Variants in AKAP6 observed in about 807,000 individuals in gnomAD.
The protein encoded by AKAP6 is A-kinase anchoring protein 6.
A neutral mutation model predicts 188.5 loss-of-function variants in AKAP6; 58 were observed. The observed-to-expected ratio is 0.31, with a 90% confidence interval of 0.25 to 0.38. AKAP6 has a LOEUF of 0.38. AKAP6 is among the 10% of genes least tolerant of loss of function. The pLI is 1.00. For missense variants in AKAP6, 2,710 were observed against 2,740.0 expected, an observed-to-expected ratio of 0.99 and a Z score of 0.24; for synonymous variants, 989 against 998.6, an observed-to-expected ratio of 0.99 and a Z score of 0.18.
At chr14:32,346,590 G>A (rs892977665) in intron 1 of AKAP6, among the ~76,000 whole-genome samples, 2 of 152,188 alleles carry the variant, frequency 1.3e-5, no homozygotes, top group Admixed American at 1.3e-4. Context: ...CTCACTGAAA[G>A]CTCCGCCTCC....
intron 4 of AKAP6, among the ~76,000 whole-genome samples, chr14:32,571,458 A>G (rs1022176459): frequency 4.6e-5 from 7 of 152,154 alleles, no homozygotes; most frequent in African/African-American, 1.7e-4. Context: ...TGAGCTCAGG[A>G]GTTGGAGGCT....
chr14:32,768,679 TA>T (rs2032791939), intron 11 of AKAP6, among the ~76,000 whole-genome samples: 1 of 152,204 alleles, frequency 6.6e-6, no homozygotes, highest in Admixed American at 6.5e-5. Context: ...TTTTATACTT[TA>T]AAAAGTCTAC....
At chr14:32,485,719 T>A (rs987204988) in intron 2 of AKAP6, among the ~76,000 whole-genome samples, 1 of 152,220 alleles carries the variant, frequency 6.6e-6, no homozygotes, top group African/African-American at 2.4e-5. Flanking sequence ...TATTAGCCCT[T>A]TGTCAGATGG....
chr14:32,362,957 CA>C (rs746361846), intron 1 of AKAP6, among the ~76,000 whole-genome samples: 1 of 152,018 alleles, frequency 6.6e-6, no homozygotes, highest in Non-Finnish European at 1.5e-5. Flanking sequence ...AGGTATATGT[CA>C]AGACTTTGAT....
chr14:32,740,763 G>A (rs958809463), intron 11 of AKAP6, among the ~76,000 whole-genome samples: 1 of 151,816 alleles, frequency 6.6e-6, no homozygotes, highest in Non-Finnish European at 1.5e-5. Flanking sequence ...CATGCTATTT[G>A]GTTAACTACT....
intron 1 of AKAP6, among the ~76,000 whole-genome samples, chr14:32,415,475 C>T (rs1337341673): frequency 6.6e-6 from 1 of 152,068 alleles, no homozygotes; most frequent in African/African-American, 2.4e-5. Context: ...AACAACATTT[C>T]TTTTCTATTT....
intron 4 of AKAP6, among the ~76,000 whole-genome samples, chr14:32,549,437 G>C (rs1883354464): frequency 6.6e-6 from 1 of 152,126 alleles, no homozygotes; most frequent in Non-Finnish European, 1.5e-5. Flanking sequence ...AAAACACAGA[G>C]GTAGAAATGA....
intron 1 of AKAP6, among the ~76,000 whole-genome samples, chr14:32,368,870 TAAG>T (rs1237888983): frequency 1.4e-5 from 2 of 146,900 alleles, no homozygotes; most frequent in African/African-American, 2.6e-5. Context: ...TAGTGGATAT[TAAG>T]AAGAAGAAAA....
At chr14:32,398,923 C>A (rs1253639032) in intron 1 of AKAP6, among the ~76,000 whole-genome samples, 1 of 142,904 alleles carries the variant, frequency 7.0e-6, no homozygotes, top group Admixed American at 7.4e-5. Flanking sequence ...GTGATCTCGG[C>A]TCCCTGCAAC....
At chr14:32,346,708 C>T (rs1256322771) in intron 1 of AKAP6, among the ~76,000 whole-genome samples, 2 of 152,168 alleles carry the variant, frequency 1.3e-5, no homozygotes, top group African/African-American at 4.8e-5. Flanking sequence ...CGGGGTTTCA[C>T]CATGTTAGCC....
intron 12 of AKAP6, among the ~76,000 whole-genome samples, chr14:32,814,713 G>C (rs1242009965): frequency 6.6e-6 from 1 of 152,084 alleles, no homozygotes; most frequent in Non-Finnish European, 1.5e-5. Context: ...AGATCACTCA[G>C]TAAATTTTTC....
intron 1 of AKAP6, among the ~76,000 whole-genome samples, chr14:32,334,003 A>T (rs900535219): frequency 7.9e-5 from 12 of 152,146 alleles, no homozygotes; most frequent in African/African-American, 2.9e-4. Flanking sequence ...CTTCAGTCTC[A>T]TCTAATCGCC....
intron 1 of AKAP6, among the ~76,000 whole-genome samples, chr14:32,419,561 G>A (rs757158047): frequency 6.6e-6 from 1 of 152,060 alleles, no homozygotes; most frequent in Non-Finnish European, 1.5e-5. Context: ...TGATTCAATT[G>A]TCTTAAAAAA....
chr14:32,590,476 A>C (rs1290652516), intron 5 of AKAP6, among the ~76,000 whole-genome samples: 1 of 152,144 alleles, frequency 6.6e-6, no homozygotes, highest in Non-Finnish European at 1.5e-5. Flanking sequence ...CTAAACAAAC[A>C]AACAAAATCT....
At position 32,793,884 on chromosome 14, in the gene AKAP6, C is replaced by T. The variant is rs2033684244; in HGVS notation, c.3588+19991C>T. Among the ~76,000 whole-genome samples, 3 of 152,142 alleles carry T rather than the reference C, an allele frequency of 2.0e-5. 1 individual carries two copies. The South Asian group carries it at 6.2e-4, about 32-fold the overall frequency. ...TTGGAGATCTACAAAGAGACTCAAA[C>T]TCCCACACAATAATAGTGGGAAACT... On this transcript the variant is annotated intron_variant, in intron 12 of 13. Transcript: ENST00000280979.
At chr14:32,618,310 T>C (rs1886668011) in intron 7 of AKAP6, among the ~76,000 whole-genome samples, 1 of 152,200 alleles carries the variant, frequency 6.6e-6, no homozygotes. Context: ...GTATACATTG[T>C]ACCCAATATG....
intron 9 of AKAP6, among the ~76,000 whole-genome samples, chr14:32,722,309 C>T (rs1203590750): frequency 1.3e-5 from 2 of 152,158 alleles, no homozygotes; most frequent in Admixed American, 1.3e-4. Context: ...TAGCAAATCA[C>T]AGTCAAACTA....
chr14:32,761,599 G>A (rs1474786793), intron 11 of AKAP6, among the ~76,000 whole-genome samples: 3 of 152,160 alleles, frequency 2.0e-5, no homozygotes, highest in Non-Finnish European at 2.9e-5. Context: ...CCTCTCCCAT[G>A]AGTCAGGTCG....
chr14:32,464,609 G>T (rs1878292408), intron 2 of AKAP6, among the ~76,000 whole-genome samples: 1 of 152,070 alleles, frequency 6.6e-6, no homozygotes, highest in Non-Finnish European at 1.5e-5. Flanking sequence ...AATAATAAGA[G>T]CTATTTATGA....
Sources: allele counts gnomAD v4.1 joint callset (sites outside exome capture counted in the v4.1 genomes callset), GRCh38; gene constraint gnomAD v4.1.1; transcripts MANE v1.5; gene names NCBI Gene and HGNC (gene_info 2026-07-23, HGNC 2026-07-21).